DNAAF11: variants seen among roughly 807,000 people sequenced by gnomAD.
The protein encoded by DNAAF11 is dynein axonemal assembly factor 11.
DNAAF11 carries 45 observed loss-of-function variants against 60.8 expected under a neutral mutation model. That is an observed-to-expected ratio of 0.74 (90% confidence interval 0.58 to 0.95). The LOEUF is 0.95. DNAAF11 is among the 40% of genes least tolerant of loss of function. DNAAF11 has a pLI of 0.00. For synonymous variants in DNAAF11, 191 were observed against 183.5 expected, an observed-to-expected ratio of 1.04 and a Z score of -0.33; for missense variants, 546 against 546.2, an observed-to-expected ratio of 1.00 and a Z score of 0.00.
intron 1 of DNAAF11, among the ~76,000 whole-genome samples, chr8:132,674,519 G>A (rs1248978970): frequency 6.6e-6 from 1 of 152,178 alleles, no homozygotes; most frequent in Non-Finnish European, 1.5e-5. Flanking sequence ...CAAAAACGTT[G>A]TCGATATCAA....
At chr8:132,603,592 G>C (rs1211368836) in intron 10 of DNAAF11, among the ~76,000 whole-genome samples, 1 of 151,880 alleles carries the variant, frequency 6.6e-6, no homozygotes, top group Non-Finnish European at 1.5e-5. Flanking sequence ...AGATGTTTTA[G>C]TGGGGGGTGG....
upstream of DNAAF11, among the ~76,000 whole-genome samples, chr8:132,675,780 T>A (rs150988247): frequency 1.9e-3 from 284 of 152,334 alleles, 2 homozygotes; most frequent in African/African-American, 6.5e-3. Flanking sequence ...TCCCTCTCCC[T>A]GAATCAATGG....
intron 10 of DNAAF11, among the ~76,000 whole-genome samples, chr8:132,606,094 A>G (rs956565566): frequency 2.8e-5 from 4 of 143,382 alleles, no homozygotes; most frequent in Non-Finnish European, 6.0e-5. Flanking sequence ...GCCTACTGAC[A>G]CTGTATCTTA....
At chr8:132,578,404 T>A in intron 11 of DNAAF11, 1 of 1,469,824 alleles carries the variant, frequency 6.8e-7, no homozygotes. Context: ...AGGGGCCTTT[T>A]CACCTTTGCT....
At chr8:132,664,103 AGTTT>A (rs1824394961) in intron 1 of DNAAF11, among the ~76,000 whole-genome samples, 1 of 152,224 alleles carries the variant, frequency 6.6e-6, no homozygotes, top group African/African-American at 2.4e-5. Flanking sequence ...TTTATTTAGC[AGTTT>A]GGTTTATAAC....
intron 3 of DNAAF11, among the ~76,000 whole-genome samples, chr8:132,647,123 A>T (rs887244778): frequency 1.3e-5 from 2 of 151,676 alleles, no homozygotes; most frequent in Middle Eastern, 3.4e-3. Context: ...ATGTAAAAGA[A>T]CAGAAATTAT....
chr8:132,687,705 A>G, the DNAAF11 span: 1 of 456,238 alleles, frequency 2.2e-6, no homozygotes, highest in Non-Finnish European at 4.4e-6. Flanking sequence ...TGACTTGCCC[A>G]AGGTAAGAGC....
At position 132,658,075 on chromosome 8, in the gene DNAAF11, A is replaced by C. The variant is rs561991779; in HGVS notation, c.179-1168T>G. Reference sequence around the variant, plus strand: ...CCATGAAGCTCAAAGATGGTGATTTATAATCATCACCCCTATCACCACTAA... The same window carrying C: ...CCATGAAGCTCAAAGATGGTGATTTCTAATCATCACCCCTATCACCACTAA... On this transcript the variant is annotated intron_variant, in intron 2 of 11. Coordinates refer to ENST00000620350, the MANE Select transcript of DNAAF11 (RefSeq NM_012472.6). 2.0e-5 allele frequency among the ~76,000 whole-genome samples: 3 copies of C among 152,334 alleles called. No individual in the cohort carries two copies. In the South Asian group the frequency reaches 6.2e-4, roughly 32 times the overall value.
chr8:132,697,507 G>T, the DNAAF11 span, among the ~76,000 whole-genome samples: 1 of 151,994 alleles, frequency 6.6e-6, no homozygotes, highest in African/African-American at 2.4e-5. Context: ...AATCCCCGCT[G>T]CTTGGGAGGC....
chr8:132,702,666 G>T, the DNAAF11 span, among the ~76,000 whole-genome samples: 1 of 152,162 alleles, frequency 6.6e-6, no homozygotes, highest in Non-Finnish European at 1.5e-5. Context: ...CATTTTGCCT[G>T]CATGAACTTG....
chr8:132,651,744 G>A (rs1470966287), intron 3 of DNAAF11, among the ~76,000 whole-genome samples: 1 of 152,120 alleles, frequency 6.6e-6, no homozygotes, highest in Non-Finnish European at 1.5e-5. Context: ...AAGAGTCCCA[G>A]TTTTAATTAT....
At chr8:132,604,597 A>G (rs1817955649) in intron 10 of DNAAF11, among the ~76,000 whole-genome samples, 1 of 152,220 alleles carries the variant, frequency 6.6e-6, no homozygotes, top group South Asian at 2.1e-4. Context: ...TGCATGCAAA[A>G]TTCCAGTTAA....
At chr8:132,648,421 CTG>C (rs1015950773) in intron 3 of DNAAF11, among the ~76,000 whole-genome samples, 1 of 152,140 alleles carries the variant, frequency 6.6e-6, no homozygotes, top group African/African-American at 2.4e-5. Flanking sequence ...TGGGCAAAAA[CTG>C]GAAGCATTCC....
chr8:132,639,529 G>T (rs1018079672), intron 3 of DNAAF11, among the ~76,000 whole-genome samples: 8 of 152,134 alleles, frequency 5.3e-5, no homozygotes, highest in Non-Finnish European at 1.0e-4. Context: ...ATTTGATTCA[G>T]ATTGGTTCAT....
chr8:132,683,400 T>G, the DNAAF11 span, among the ~76,000 whole-genome samples: 1 of 152,184 alleles, frequency 6.6e-6, no homozygotes, highest in African/African-American at 2.4e-5. Context: ...CTGAGCCCAT[T>G]GAGGCACGTC....
intron 1 of DNAAF11, among the ~76,000 whole-genome samples, chr8:132,662,249 C>T (rs180838346): frequency 1.3e-5 from 2 of 152,310 alleles, no homozygotes; most frequent in Admixed American, 1.3e-4. Flanking sequence ...GTAATGGGAG[C>T]TCCCACCCCT....
At chr8:132,618,577 C>T (rs1819422546) in intron 7 of DNAAF11, among the ~76,000 whole-genome samples, 1 of 122,656 alleles carries the variant, frequency 8.2e-6, no homozygotes, top group Non-Finnish European at 1.7e-5. Context: ...CCAGAATCTA[C>T]AATGAACTCA....
chr8:132,646,705 T>A (rs1287612889), intron 3 of DNAAF11, among the ~76,000 whole-genome samples: 2 of 152,118 alleles, frequency 1.3e-5, no homozygotes, highest in Non-Finnish European at 2.9e-5. Context: ...TAGTCTCTGA[T>A]AAAACAGACT....
chr8:132,621,305 G>A (rs1819737029), intron 7 of DNAAF11, among the ~76,000 whole-genome samples: 1 of 152,166 alleles, frequency 6.6e-6, no homozygotes, highest in South Asian at 2.1e-4. Context: ...AGCTCCAGAG[G>A]GCACAGGGGT....
Sources: gnomAD v4.1 joint callset for allele counts (sites outside exome capture counted in the v4.1 genomes callset) on GRCh38, gnomAD v4.1.1 for gene constraint, MANE v1.5 for transcripts, NCBI Gene and HGNC (gene_info 2026-07-23, HGNC 2026-07-21) for gene names.